Variants in RUNX1T1 observed in about 807,000 individuals in gnomAD.
RUNX1T1 encodes RUNX1 partner transcriptional co-repressor 1.
RUNX1T1 carries 4 observed loss-of-function variants against 62.8 expected under a neutral mutation model. That is an observed-to-expected ratio of 0.06 (90% CI 0.03 to 0.15). The LOEUF (loss-of-function observed/expected upper bound fraction) is 0.15. RUNX1T1 is among the 10% of genes least tolerant of loss of function. The pLI, the probability that RUNX1T1 is intolerant of heterozygous loss-of-function variation, is 1.00. For missense variants in RUNX1T1, 508 were observed against 754.3 expected (o/e 0.67, Z 3.82); for synonymous variants, 291 against 286.0 (o/e 1.02, Z -0.18).
At chr8:92,091,385 G>T (rs1218805126) in intron 1 of RUNX1T1, among the ~76,000 whole-genome samples, 1 of 152,192 alleles carries the variant, frequency 6.6e-6, no homozygotes, top group Admixed American at 6.5e-5. Flanking sequence ...AACATTGACA[G>T]TTTTAAGCTC....
intron 5 of RUNX1T1, chr8:91,994,353 T>C (rs1177536907): frequency 1.0e-5 from 2 of 190,594 alleles, no homozygotes; most frequent in Admixed American, 5.9e-5. Context: ...CATGTGATTC[T>C]AATCTGTATT....
At chr8:92,058,697 A>G in intron 1 of RUNX1T1, among the ~76,000 whole-genome samples, 1 of 152,182 alleles carries the variant, frequency 6.6e-6, no homozygotes, top group Non-Finnish European at 1.5e-5. Context: ...AAGCTCTAAA[A>G]TATATATATC....
At chr8:92,075,906 G>T in intron 2 of RUNX1T1, 59 bp downstream of exon 2, 1 of 1,420,998 alleles carries the variant, frequency 7.0e-7, no homozygotes, top group Non-Finnish European at 9.7e-7. Context: ...GGAAAAAATA[G>T]ATTGATTTTT....
chr8:91,977,941 C>T (rs1385169075), intron 8 of RUNX1T1, among the ~76,000 whole-genome samples: 4 of 152,102 alleles, frequency 2.6e-5, no homozygotes, highest in Non-Finnish European at 5.9e-5. Flanking sequence ...GTGCATGCCA[C>T]CAAGCCCAGC....
At chr8:92,088,765 T>C (rs1479302517) in intron 1 of RUNX1T1, among the ~76,000 whole-genome samples, 1 of 152,186 alleles carries the variant, frequency 6.6e-6, no homozygotes, top group Admixed American at 6.5e-5. Flanking sequence ...GTCTAGCTCA[T>C]TACTGCTCTG....
At position 92,072,668 on chromosome 8, in the gene RUNX1T1, C is replaced by T. The variant is rs73308108; in HGVS notation, c.88+3297G>A. On this transcript the variant is annotated intron_variant, in intron 2 of 11. Transcript: ENST00000265814. ...AAGAGATTCAAATAAATTGATTTCACGCATCACACTGACCTGGGATCAGTG... is the reference window on the plus strand; with the variant it reads ...AAGAGATTCAAATAAATTGATTTCATGCATCACACTGACCTGGGATCAGTG... 4.2e-3 allele frequency among the ~76,000 whole-genome samples: 643 copies of T among 152,298 alleles called. 2 individuals carry two copies. The highest frequency in any genetic ancestry group is 0.014 in the African/African-American group (600 of 41,566).
chr8:92,037,490 C>A (rs750077230), intron 1 of RUNX1T1, among the ~76,000 whole-genome samples: 1 of 152,086 alleles, frequency 6.6e-6, no homozygotes. Flanking sequence ...CCAGCCTGGC[C>A]AACATGGCGA....
intron 5 of RUNX1T1, among the ~76,000 whole-genome samples, chr8:91,994,225 G>A (rs1818247275): frequency 6.6e-6 from 1 of 152,030 alleles, no homozygotes; most frequent in African/African-American, 2.4e-5. Flanking sequence ...ATTGATCACT[G>A]ATATCAGACT....
chr8:91,991,547 C>T, intron 6 of RUNX1T1, 92 bp downstream of exon 7: 1 of 1,344,436 alleles, frequency 7.4e-7, no homozygotes, highest in Non-Finnish European at 1.0e-6. Context: ...ATCCCTATCA[C>T]AGATTTCAAG....
intron 1 of RUNX1T1, among the ~76,000 whole-genome samples, chr8:92,058,696 A>AAT (rs921807230): frequency 6.6e-6 from 1 of 152,146 alleles, no homozygotes; most frequent in African/African-American, 2.4e-5. Context: ...CAAGCTCTAA[A>AAT]ATATATATAT....
chr8:91,965,939 T>C (rs1295806912), intron 10 of RUNX1T1, among the ~76,000 whole-genome samples: 1 of 151,934 alleles, frequency 6.6e-6, no homozygotes, highest in Non-Finnish European at 1.5e-5. Flanking sequence ...CCTCATCTCA[T>C]TGGCACCTCT....
intron 1 of RUNX1T1, 55 bp from the exon 3 acceptor site, chr8:92,017,418 C>T (rs1450816107): frequency 1.2e-6 from 2 of 1,613,374 alleles, no homozygotes; most frequent in Non-Finnish European, 1.7e-6. Context: ...CTCAGTTTTT[C>T]AAGTGGGGTT....
At chr8:92,095,109 C>T in intron 1 of RUNX1T1, 1 of 1,535,614 alleles carries the variant, frequency 6.5e-7, no homozygotes, top group Non-Finnish European at 8.7e-7. Context: ...TCACCCCACA[C>T]AACAAAAGGC....
At chr8:91,995,159 A>G (rs992751651) in intron 5 of RUNX1T1, among the ~76,000 whole-genome samples, 1 of 152,212 alleles carries the variant, frequency 6.6e-6, no homozygotes, top group African/African-American at 2.4e-5. Flanking sequence ...CCAACTTACT[A>G]GTTTTCTCTC....
intron 1 of RUNX1T1, among the ~76,000 whole-genome samples, chr8:92,019,853 C>T (rs1210520414): frequency 6.6e-6 from 1 of 152,046 alleles, no homozygotes; most frequent in African/African-American, 2.4e-5. Context: ...GTAACGACTC[C>T]TATCCAGAAC....
intron 1 of RUNX1T1, among the ~76,000 whole-genome samples, chr8:92,029,595 C>T (rs895536227): frequency 5.9e-5 from 9 of 152,114 alleles, no homozygotes; most frequent in South Asian, 2.1e-4. Context: ...CTGTGCTGTT[C>T]GTGTATAAAA....
chr8:92,008,849 CTA>C (rs1166981763), intron 4 of RUNX1T1, among the ~76,000 whole-genome samples: 1 of 152,112 alleles, frequency 6.6e-6, no homozygotes, highest in East Asian at 1.9e-4. Context: ...ACAAAAGAGA[CTA>C]TAGAAATTGG....
intron 10 of RUNX1T1, 38 bp downstream of exon 11, chr8:91,970,620 A>C (rs547594943): frequency 1.3e-6 from 2 of 1,529,874 alleles, no homozygotes; most frequent in Admixed American, 2.0e-5. Context: ...ATGAATGAAA[A>C]CTATCTTGTT....
intron 5 of RUNX1T1, chr8:91,994,394 C>G (rs907705878): frequency 1.9e-5 from 4 of 211,206 alleles, no homozygotes; most frequent in Non-Finnish European, 4.0e-5. Context: ...AAAAAATACA[C>G]TTCAATATTC....
Sources: allele counts gnomAD v4.1 joint callset (sites outside exome capture counted in the v4.1 genomes callset), GRCh38; gene constraint gnomAD v4.1.1; transcripts MANE v1.5; gene names NCBI Gene and HGNC (gene_info 2026-07-23, HGNC 2026-07-21).